The following CARS1 variants were observed in gnomAD, a reference collection of about 807,000 sequenced individuals.
CARS1 encodes the protein cysteinyl-tRNA synthetase 1.
A neutral mutation model predicts 106.2 loss-of-function variants in CARS1; 48 were observed. The observed-to-expected ratio is 0.45, with a 90% CI of 0.36 to 0.57. The LOEUF (loss-of-function observed/expected upper bound fraction) is 0.57, where lower values mean the gene tolerates loss of function less well. CARS1 is among the 20% of genes least tolerant of loss of function. CARS1 has a pLI of 0.00. For missense variants in CARS1, 968 were observed against 1,057.2 expected, an observed-to-expected ratio of 0.92 and a Z score of 1.17; for synonymous variants, 409 against 403.4, an observed-to-expected ratio of 1.01 and a Z score of -0.17.
chr11:3,037,803 T>C lies in CARS1; in HGVS notation c.801+247A>G, dbSNP rs1334420386. On this transcript the variant is annotated intron_variant, in intron 7 of 22. Transcript: ENST00000380525. The surrounding 1 kb of genome is among the most constrained non-coding windows in gnomAD (Gnocchi z 5.9). ...ATCTGATGGAAGTGGTGGGAGGGTG[T>C]GGATCCCGAGTCTCCTTCCAGTGGC... is the stretch of plus-strand genomic sequence containing the variant. Among the ~76,000 whole-genome samples the C allele has an allele frequency of 6.6e-6, 1 of 151,928 alleles. No homozygotes were observed. Among genetic ancestry groups the C allele is most frequent in the Non-Finnish European group, 1.5e-5 (1 of 67,966 alleles).
At position 3,018,647 on chromosome 11, in the gene CARS1, T is replaced by C. The variant is rs866784922; in HGVS notation, c.1498A>G (p.Ile500Val). ...MSKSLKNFITIKDALKKHSAR... is the reference protein window; with the variant it reads ...MSKSLKNFITVKDALKKHSAR... ...GAGTGCTTTTTCAAGGCATCTTTAATGGTGATGAAGTTTTTTAGTGACTTT... is the reference window on the plus strand; with the variant it reads ...GAGTGCTTTTTCAAGGCATCTTTAACGGTGATGAAGTTTTTTAGTGACTTT... The change falls in exon 13 of 23, where the codon ATT becomes GTT. Residue 500 changes from isoleucine to valine, a missense_variant. By Grantham distance (29) the Ile-to-Val change is conservative. Coordinates refer to ENST00000380525, the MANE Select transcript of CARS1 (RefSeq NM_001014437.3). The C allele has an allele frequency of 1.9e-6, 3 of 1,614,206 alleles. No homozygotes were observed. The highest frequency in any genetic ancestry group is 1.3e-5 in the African/African-American group (1 of 75,050).
At position 3,038,116 on chromosome 11, in the gene CARS1, G is replaced by T; in HGVS notation, c.735C>A (p.Ala245=). Residue 245 remains alanine, a synonymous_variant, in exon 7 of 23, where the codon GCC becomes GCA. Transcript: ENST00000380525. This position sits in a 1 kb window ranked among gnomAD's most constrained non-coding sequence, Gnocchi z 4.0. ...GCACAGCTTTCTCAAGTGGCTCTGT[G>T]GCAAGCTGCACTGCGTGCTGAATCC... ...LERIQHAVQL[A]TEPLEKAVQS... The T allele has an allele frequency of 6.2e-7, 1 of 1,614,182 alleles. No individual in the cohort carries two copies. The highest frequency in any genetic ancestry group is 1.1e-5 in the South Asian group (1 of 91,084).
intron 17 of CARS1, among the ~76,000 whole-genome samples, chr11:3,013,789 G>A (rs942329769): frequency 2.6e-5 from 4 of 152,100 alleles, no homozygotes; most frequent in Non-Finnish European, 5.9e-5. Flanking sequence ...GGAGGCAGAG[G>A]GTGCAGTGAC....
In CARS1 at chr11:3,044,418, T is replaced by C. The variant is rs202127868; in HGVS notation, c.275-2162A>G. Among the ~76,000 whole-genome samples, 4,345 of 130,256 alleles carry C rather than the reference T, an allele frequency of 0.033. 102 individuals carry two copies. Among genetic ancestry groups the C allele is most frequent in the African/African-American group, 0.076 (2,143 of 28,180 alleles). 85.5% of individuals were successfully genotyped at this position (130,256 alleles called of 152,430 possible). On this transcript the variant is annotated intron_variant, in intron 2 of 22. Transcript: ENST00000380525. The surrounding 1 kb of genome is among the most constrained non-coding windows in gnomAD (Gnocchi z 4.4). ...TATCACATAAGGACCCTTGCCCCCC[T>C]TTTTTTTTTTTAGATAAAATCTGGC... is the stretch of plus-strand genomic sequence containing the variant.
rs1339401291 is a variant in CARS1, at chr11:3,012,095, G to T, written c.2068+100C>A. 7.3e-6 allele frequency: 8 copies of T among 1,091,482 alleles called. No homozygotes were observed. In the East Asian group the frequency reaches 1.7e-4, roughly 23 times the overall value. The allele number at this position is 1,091,482 out of a possible 1,614,324, so 67.6% of individuals were successfully genotyped here. On this transcript the variant is annotated intron_variant, in intron 18 of 22. Coordinates refer to ENST00000380525, the MANE Select transcript of CARS1 (RefSeq NM_001014437.3). ...GCACGGGGCAGCCTTCCCAGAGGAT[G>T]ATCCGGCCTGAACGCCATAGTGCCT...
At chr11:3,015,332 C>T (rs758771421) in intron 17 of CARS1, among the ~76,000 whole-genome samples, 1 of 152,240 alleles carries the variant, frequency 6.6e-6, no homozygotes, top group Non-Finnish European at 1.5e-5. Flanking sequence ...CTGCCCAGCC[C>T]CATGGGGACC....
intron 10 of CARS1, among the ~76,000 whole-genome samples, chr11:3,024,123 C>T: frequency 6.6e-6 from 1 of 152,100 alleles, no homozygotes; most frequent in East Asian, 1.9e-4. Context: ...GAACTCCTGA[C>T]CTCGTGATCC....
rs1413495196 is a variant in CARS1, at chr11:3,042,250, C to T, written c.281G>A (p.Gly94Asp). 6.2e-7 allele frequency: 1 copy of T among 1,611,676 alleles called. No individual in the cohort carries two copies. Among genetic ancestry groups the T allele is most frequent in the East Asian group, 2.2e-5 (1 of 44,860 alleles). Residue 94 changes from glycine to aspartate, a missense_variant, in exon 3 of 23, where the codon GGC (glycine) becomes GAC (aspartate). Transcript: ENST00000380525. ...GQPCRLQASK[G>D]RRVQPQWSPP... ...GGACCACTGGGGCTGCACACGCCGGCCTTTGCCTGGGAGGCAGAGAGAGCA... is the reference window on the plus strand; with the variant it reads ...GGACCACTGGGGCTGCACACGCCGGTCTTTGCCTGGGAGGCAGAGAGAGCA...
chr11:3,039,180 A>G lies in CARS1; in HGVS notation c.651+14T>C. 1 of 1,572,418 alleles carries G rather than the reference A, an allele frequency of 6.4e-7. No individual in the cohort carries two copies. The highest frequency in any genetic ancestry group is 8.8e-7 in the Non-Finnish European group (1 of 1,142,604). Reference sequence around the variant, plus strand: ...AAAGGGCTCGGTTTCTAGAGCAGACAGCAAGAGGCCCACCTTCAGGGCGGC... The same window carrying G: ...AAAGGGCTCGGTTTCTAGAGCAGACGGCAAGAGGCCCACCTTCAGGGCGGC... On this transcript the variant is annotated intron_variant, in intron 6 of 22. Transcript: ENST00000380525. The surrounding 1 kb of genome is among the most constrained non-coding windows in gnomAD (Gnocchi z 5.6).
At chr11:3,010,773 C>T (rs898658865) in intron 18 of CARS1, among the ~76,000 whole-genome samples, 2 of 152,262 alleles carry the variant, frequency 1.3e-5, no homozygotes, top group Non-Finnish European at 2.9e-5. Context: ...TCGGCTCCTC[C>T]GCCTCTCGGC....
chr11:3,044,902 T>C lies in CARS1; in HGVS notation c.275-2646A>G, dbSNP rs761188470. ...CTGCCTACAACACACCAGATGCAGA[T>C]AGGACCCAAGCAAGGGGTTCATGGA... On this transcript the variant is annotated intron_variant, in intron 2 of 22. Coordinates refer to ENST00000380525, the MANE Select transcript of CARS1 (RefSeq NM_001014437.3). The surrounding 1 kb of genome is among the most constrained non-coding windows in gnomAD (Gnocchi z 4.4). Among the ~76,000 whole-genome samples the C allele has an allele frequency of 2.8e-4, 42 of 152,088 alleles. No homozygotes were observed. The highest frequency in any genetic ancestry group is 5.8e-4 in the African/African-American group (24 of 41,404).
chr11:3,020,466 A>G lies in CARS1; in HGVS notation c.1154-134T>C. The G allele has an allele frequency of 1.6e-6, 1 of 634,884 alleles. No individual in the cohort carries two copies. The highest frequency in any genetic ancestry group is 1.8e-5 in the South Asian group (1 of 56,084). 39.3% of individuals were successfully genotyped at this position (634,884 alleles called of 1,614,324 possible). ...TTCTGTTTATTAACTTGGCTCAAGC[A>G]TTTCTTCAAGTTAACTATGTATTAC... On this transcript the variant is annotated intron_variant, in intron 10 of 22. Coordinates refer to ENST00000380525, the MANE Select transcript of CARS1 (RefSeq NM_001014437.3). The surrounding 1 kb of genome is among the most constrained non-coding windows in gnomAD (Gnocchi z 4.6).
At chr11:3,023,458 A>C (rs1441062429) in intron 10 of CARS1, among the ~76,000 whole-genome samples, 1 of 152,242 alleles carries the variant, frequency 6.6e-6, no homozygotes, top group Non-Finnish European at 1.5e-5. Context: ...GCAACGGTGT[A>C]ATCACAGCTC....
In CARS1 at chr11:3,004,626, C is replaced by T. The variant is rs1196601085; in HGVS notation, c.2217+740G>A. 6.6e-6 allele frequency among the ~76,000 whole-genome samples: 1 copy of T among 152,252 alleles called. No individual in the cohort carries two copies. The highest frequency in any genetic ancestry group is 1.5e-5 in the Non-Finnish European group (1 of 68,044). On this transcript the variant is annotated intron_variant, in intron 20 of 22. Transcript: ENST00000380525. The surrounding 1 kb of genome is among the most constrained non-coding windows in gnomAD (Gnocchi z 5.2). ...ATCCCAGGGTACCCCATGCGCTGTG[C>T]CCAGAGATTCTGACATTGCGTTTTT...
chr11:3,018,755 T>G lies in CARS1; in HGVS notation c.1396-6A>C, dbSNP rs1485426628. ...CAGTCGTTTTCAAAGTAGGCCTGCGTGGAAAGAGACAAAGGATGTCAACAG... is the reference window on the plus strand; with the variant it reads ...CAGTCGTTTTCAAAGTAGGCCTGCGGGGAAAGAGACAAAGGATGTCAACAG... On this transcript the variant is annotated splice_region_variant and splice_polypyrimidine_tract_variant and intron_variant, in intron 12 of 22. Coordinates refer to ENST00000380525, the MANE Select transcript of CARS1 (RefSeq NM_001014437.3). 6.2e-7 allele frequency: 1 copy of G among 1,612,694 alleles called. No homozygotes were observed. Among genetic ancestry groups the G allele is most frequent in the Admixed American group, 1.7e-5 (1 of 59,878 alleles).
chr11:3,033,051 CT>C lies in CARS1; in HGVS notation c.802-3609del, dbSNP rs907703020. 6.1e-4 allele frequency among the ~76,000 whole-genome samples: 89 copies of C among 145,496 alleles called. 1 individual carries two copies. The highest frequency in any genetic ancestry group is 3.5e-3 in the Middle Eastern group (1 of 286). On this transcript the variant is annotated intron_variant, in intron 7 of 22. Coordinates refer to ENST00000380525, the MANE Select transcript of CARS1 (RefSeq NM_001014437.3). ...AACCAGAATCTCCTCTAAAAAAAAA[CT>C]TTTTTTTTTTCTAAAAAGTGAAAAA... is the stretch of plus-strand genomic sequence containing the variant.
At position 3,041,883 on chromosome 11, in the gene CARS1, G is replaced by A. The variant is rs1308231981; in HGVS notation, c.366+282C>T. 1.3e-5 allele frequency among the ~76,000 whole-genome samples: 2 copies of A among 152,188 alleles called. No individual in the cohort carries two copies. The highest frequency in any genetic ancestry group is 4.8e-5 in the African/African-American group (2 of 41,440). ...GACCTCAAGTACTCATGGTTGGGCA[G>A]AGTCCGAGAGACAAGCCAGGGTGAT... On this transcript the variant is annotated intron_variant, in intron 3 of 22. Transcript: ENST00000380525. This position sits in a 1 kb window ranked among gnomAD's most constrained non-coding sequence, Gnocchi z 4.9.
Position 3,018,763 on chromosome 11 carries a change from G to A in CARS1, c.1396-14C>T, listed in dbSNP as rs983474253. 1 of 1,611,374 alleles carries A rather than the reference G, an allele frequency of 6.2e-7. No homozygotes were observed. Among genetic ancestry groups the A allele is most frequent in the Non-Finnish European group, 8.5e-7 (1 of 1,178,376 alleles). Reference sequence around the variant, plus strand: ...TTCAAAGTAGGCCTGCGTGGAAAGAGACAAAGGATGTCAACAGTCATGTGT... The same window carrying A: ...TTCAAAGTAGGCCTGCGTGGAAAGAAACAAAGGATGTCAACAGTCATGTGT... On this transcript the variant is annotated splice_polypyrimidine_tract_variant and intron_variant, in intron 12 of 22. Coordinates refer to ENST00000380525, the MANE Select transcript of CARS1 (RefSeq NM_001014437.3).
chr11:3,042,493 C>G (rs774970563), intron 2 of CARS1, among the ~76,000 whole-genome samples: 12 of 151,292 alleles, frequency 7.9e-5, no homozygotes, highest in Non-Finnish European at 1.3e-4. Flanking sequence ...GGTGTGATCT[C>G]GGCTCACTGC....
Sources: allele counts gnomAD v4.1 joint callset (sites outside exome capture counted in the v4.1 genomes callset), GRCh38; gene constraint gnomAD v4.1.1; non-coding constraint Gnocchi (gnomAD v3.1); transcripts MANE v1.5; gene names NCBI Gene and HGNC (gene_info 2026-07-23, HGNC 2026-07-21).